Variants in RNF214 observed in about 807,000 individuals in gnomAD.
The protein encoded by RNF214 is ring finger protein 214.
A neutral mutation model predicts 75.9 loss-of-function variants in RNF214; 25 were observed. That is an observed-to-expected ratio of 0.33 (90% CI 0.24 to 0.46). The LOEUF is 0.46. Ranked by LOEUF, RNF214 falls within the 20% of genes least tolerant of loss-of-function variation. The probability of loss-of-function intolerance (pLI) is 1.00; values close to 1 mark genes in which losing one functional copy is unlikely to be tolerated. For missense variants in RNF214, 725 were observed against 857.5 expected, an observed-to-expected ratio of 0.85 and a Z score of 1.93; for synonymous variants, 314 against 308.8, an observed-to-expected ratio of 1.02 and a Z score of -0.18.
chr11:117,240,246 A>G (rs970398286), intron 4 of RNF214, among the ~76,000 whole-genome samples: 3 of 151,630 alleles, frequency 2.0e-5, no homozygotes, highest in Admixed American at 2.0e-4. Context: ...CTAGCTACTC[A>G]GGAGTCCTAG....
intron 8 of RNF214, among the ~76,000 whole-genome samples, chr11:117,280,551 A>G (rs531929179): frequency 6.6e-6 from 1 of 152,324 alleles, no homozygotes; most frequent in African/African-American, 2.4e-5. Flanking sequence ...ATGCTCCTGT[A>G]ATCCCAGCAC....
chr11:117,250,479 A>G (rs2033341653), intron 6 of RNF214, among the ~76,000 whole-genome samples: 1 of 151,472 alleles, frequency 6.6e-6, no homozygotes, highest in Non-Finnish European at 1.5e-5. Context: ...GTTCTTGTTC[A>G]TAAGAGATAC....
At chr11:117,247,279 C>T (rs537820427) in intron 6 of RNF214, among the ~76,000 whole-genome samples, 82 of 152,178 alleles carry the variant, frequency 5.4e-4, no homozygotes, top group Non-Finnish European at 6.3e-4. Flanking sequence ...TGCTTGAGGC[C>T]AGGAGTTTGA....
intron 2 of RNF214, among the ~76,000 whole-genome samples, chr11:117,237,518 C>T (rs2032943136): frequency 6.6e-6 from 1 of 152,042 alleles, no homozygotes; most frequent in East Asian, 1.9e-4. Context: ...AGGGTGGGGT[C>T]AAAGAAATTA....
chr11:117,282,299 G>A lies in RNF214; in HGVS notation c.1712+29G>A, dbSNP rs781184031. The A allele has an allele frequency of 1.9e-6, 3 of 1,579,152 alleles. No homozygotes were observed. In the African/African-American group the frequency reaches 4.1e-5, roughly 21 times the overall value. Reference sequence around the variant, plus strand: ...AGTACCTTCAAGGACTGATTCAGATGTCTCTATCAGAGAAATGCTTATGGG... The same window carrying A: ...AGTACCTTCAAGGACTGATTCAGATATCTCTATCAGAGAAATGCTTATGGG... On this transcript the variant is annotated intron_variant, in intron 11 of 14. Coordinates refer to ENST00000300650, the MANE Select transcript of RNF214 (RefSeq NM_207343.4).
At chr11:117,282,627 C>G in intron 12 of RNF214, 91 bp downstream of exon 12, 1 of 1,556,882 alleles carries the variant, frequency 6.4e-7, no homozygotes, top group Non-Finnish European at 8.8e-7. Context: ...AAGAAGCATT[C>G]CAGTCAGAGG....
intron 5 of RNF214, 106 bp downstream of exon 5, chr11:117,244,691 A>T (rs2033167151): frequency 3.5e-6 from 3 of 851,348 alleles, no homozygotes; most frequent in Non-Finnish European, 3.4e-6. Flanking sequence ...TTTGAGACAG[A>T]GTCTCACTCT....
intron 2 of RNF214, among the ~76,000 whole-genome samples, chr11:117,238,038 C>A (rs143312699): frequency 3.1e-4 from 47 of 152,238 alleles, no homozygotes; most frequent in Non-Finnish European, 5.0e-4. Flanking sequence ...GCTAATTCAT[C>A]GGTATCCCCA....
At chr11:117,279,053 T>TA (rs1394763916) in intron 6 of RNF214, among the ~76,000 whole-genome samples, 1 of 152,152 alleles carries the variant, frequency 6.6e-6, no homozygotes, top group African/African-American at 2.4e-5. Flanking sequence ...ACCAAGGTCA[T>TA]AGCACTGTAC....
intron 6 of RNF214, among the ~76,000 whole-genome samples, chr11:117,266,754 CT>C (rs1240294933): frequency 6.6e-6 from 1 of 151,940 alleles, no homozygotes; most frequent in Non-Finnish European, 1.5e-5. Context: ...TGAGTTAGAC[CT>C]TTTGATATTG....
chr11:117,281,640 C>T lies in RNF214; in HGVS notation c.1277C>T (p.Ala426Val). The T allele has an allele frequency of 6.2e-7, 1 of 1,613,724 alleles. No homozygotes were observed. Among genetic ancestry groups the T allele is most frequent in the Non-Finnish European group, 8.5e-7 (1 of 1,179,748 alleles). ...CATATCCAGTTAGTGAGGAACGGAG[C>T]CAAGCTGAGCAGCCTTCCTCAAATC... ...NSHIQLVRNG[A>V]KLSSLPQIPT... The change falls in exon 10 of 15, where the codon GCC becomes GTC. Residue 426 changes from alanine (A) to valine (V), a missense_variant. This residue lies in a region of RNF214 where 363 missense variants were observed against 513.0 expected (regional missense o/e 0.71). Transcript: ENST00000300650.
Position 117,238,843 on chromosome 11 carries a change from G to A in RNF214, c.350G>A (p.Gly117Glu). ...TTGAAGGATGTGGCCAGCACAGCAGGAGAGGAGGGGGACACAAGCCTTCGG... is the reference window on the plus strand; with the variant it reads ...TTGAAGGATGTGGCCAGCACAGCAGAAGAGGAGGGGGACACAAGCCTTCGG... ...SDLKDVASTA[G>E]EEGDTSLRES... Residue 117 changes from glycine (G) to glutamate (E), a missense_variant, in exon 3 of 15, where the codon GGA becomes GAA. Gly to Glu is a moderately conservative substitution (Grantham distance 98). Coordinates refer to ENST00000300650, the MANE Select transcript of RNF214 (RefSeq NM_207343.4). The A allele has an allele frequency of 6.2e-7, 1 of 1,614,206 alleles. No individual in the cohort carries two copies. Among genetic ancestry groups the A allele is most frequent in the East Asian group, 2.2e-5 (1 of 44,886 alleles).
intron 1 of RNF214, among the ~76,000 whole-genome samples, chr11:117,234,032 A>G (rs1186753119): frequency 6.6e-6 from 1 of 152,240 alleles, no homozygotes. Context: ...ATCTTTGCAC[A>G]GACTCCTAGA....
At chr11:117,280,050 C>T (rs1301572560) in intron 7 of RNF214, 46 bp downstream of exon 7, 1 of 1,540,318 alleles carries the variant, frequency 6.5e-7, no homozygotes, top group East Asian at 2.2e-5. Context: ...TTCAGGCTTC[C>T]AGATGGTATC....
intron 4 of RNF214, among the ~76,000 whole-genome samples, chr11:117,241,129 G>A (rs766756595): frequency 9.2e-5 from 14 of 151,948 alleles, no homozygotes; most frequent in Non-Finnish European, 1.8e-4. Context: ...GCAGTGACCC[G>A]AGATCGTACC....
At chr11:117,264,625 T>G (rs2033753671) in intron 6 of RNF214, among the ~76,000 whole-genome samples, 1 of 152,202 alleles carries the variant, frequency 6.6e-6, no homozygotes, top group Non-Finnish European at 1.5e-5. Flanking sequence ...TCCCTCTTTA[T>G]CTTAGTCATA....
At chr11:117,245,622 G>A (rs889985738) in intron 5 of RNF214, among the ~76,000 whole-genome samples, 6 of 152,060 alleles carry the variant, frequency 3.9e-5, no homozygotes, top group South Asian at 2.1e-4. Context: ...GATTACAGGC[G>A]TGAGCCACTG....
chr11:117,235,104 G>A (rs962500173), intron 2 of RNF214, among the ~76,000 whole-genome samples: 6 of 152,184 alleles, frequency 3.9e-5, no homozygotes, highest in Admixed American at 3.9e-4. Context: ...GTTGTTTAAG[G>A]AATAATGACA....
intron 6 of RNF214, among the ~76,000 whole-genome samples, chr11:117,251,776 A>T (rs1331054043): frequency 6.6e-6 from 1 of 152,158 alleles, no homozygotes; most frequent in African/African-American, 2.4e-5. Context: ...ATACTGTGTT[A>T]AGGAGTTTGG....
Sources: allele counts gnomAD v4.1 joint callset (sites outside exome capture counted in the v4.1 genomes callset), GRCh38; gene constraint gnomAD v4.1.1; regional missense constraint gnomAD v4.1.1; transcripts MANE v1.5; gene names NCBI Gene and HGNC (gene_info 2026-07-23, HGNC 2026-07-21).